Variants in ADAMTSL3 observed in about 807,000 individuals in gnomAD.
ADAMTSL3 encodes the protein ADAMTS-like protein 3.
Under a neutral mutation model 201.7 loss-of-function variants are expected in ADAMTSL3, and 128 were observed. The observed-to-expected ratio is 0.63, with a 90% CI of 0.55 to 0.73. The LOEUF (loss-of-function observed/expected upper bound fraction) is 0.73. Among genes scored for constraint, ADAMTSL3 ranks in the 30% least tolerant of loss-of-function variants. ADAMTSL3 has a pLI of 0.00. For missense variants in ADAMTSL3, 1,990 were observed against 2,119.6 expected, an observed-to-expected ratio of 0.94 and a Z score of 1.20; for synonymous variants, 738 against 748.4, an observed-to-expected ratio of 0.99 and a Z score of 0.23.
intron 7 of ADAMTSL3, among the ~76,000 whole-genome samples, chr15:83,853,323 T>C (rs1201309731): frequency 1.3e-5 from 2 of 152,192 alleles, no homozygotes; most frequent in African/African-American, 2.4e-5. Flanking sequence ...GTTTAGACTA[T>C]TTTTTTCTTG....
At chr15:83,875,756 C>T (rs780881266) in intron 9 of ADAMTSL3, among the ~76,000 whole-genome samples, 1 of 151,862 alleles carries the variant, frequency 6.6e-6, no homozygotes, top group Non-Finnish European at 1.5e-5. Context: ...GCACTCTGGC[C>T]GGGTGACAGA....
intron 2 of ADAMTSL3, among the ~76,000 whole-genome samples, chr15:83,703,901 A>AT (rs2061809422): frequency 6.8e-6 from 1 of 146,444 alleles, no homozygotes; most frequent in Non-Finnish European, 1.5e-5. Context: ...ATTATGGGTG[A>AT]TTTTATTTTC....
At position 83,899,752 on chromosome 15, in the gene ADAMTSL3, A is replaced by G. The variant is rs6603004; in HGVS notation, c.1700+21A>G. The G allele has an allele frequency of 0.56, 893,073 of 1,602,226 alleles. 254,457 individuals are homozygous for G. Among genetic ancestry groups the G allele is most frequent in the African/African-American group, 0.79 (58,841 of 74,258 alleles). On this transcript the variant is annotated intron_variant, in intron 15 of 29. Transcript: ENST00000286744. ...CCAACGTGAGTCCAGGACCTTTTGT[A>G]GGAATAATCAGGGCATAGCCAGTTA...
At chr15:83,667,319 T>C (rs1283997377) in intron 2 of ADAMTSL3, among the ~76,000 whole-genome samples, 2 of 152,176 alleles carry the variant, frequency 1.3e-5, no homozygotes, top group Non-Finnish European at 2.9e-5. Flanking sequence ...ATTACAGTTT[T>C]GACTAGTCCA....
In ADAMTSL3 at chr15:84,025,275, T is replaced by C; in HGVS notation, c.4495T>C (p.Cys1499Arg). ...TSVWSQCSVS[C>R]GEGYHSRQVT... ...TGTGTGGTCACAGTGCTCTGTGTCT[T>C]GCGGTGAAGGATACCACAGTCGGCA... The change falls in exon 27 of 30, where the codon TGC (cysteine) becomes CGC (arginine). Residue 1499 changes from cysteine to arginine, a missense_variant. Coordinates refer to ENST00000286744, the MANE Select transcript of ADAMTSL3 (RefSeq NM_207517.3). 3.1e-6 allele frequency: 5 copies of C among 1,613,106 alleles called. No individual in the cohort carries two copies. The highest frequency in any genetic ancestry group is 3.4e-6 in the Non-Finnish European group (4 of 1,179,464).
At chr15:84,004,304 T>A (rs1412602209) in intron 23 of ADAMTSL3, among the ~76,000 whole-genome samples, 1 of 152,182 alleles carries the variant, frequency 6.6e-6, no homozygotes, top group Non-Finnish European at 1.5e-5. Flanking sequence ...TCATCGGCAG[T>A]ATGTCCTGAG....
intron 3 of ADAMTSL3, among the ~76,000 whole-genome samples, chr15:83,752,599 C>A (rs1233623506): frequency 6.6e-6 from 1 of 152,072 alleles, no homozygotes; most frequent in Admixed American, 6.6e-5. Context: ...TTTCTAATGT[C>A]TATTATAACT....
At chr15:83,821,904 G>A (rs1242558928) in intron 6 of ADAMTSL3, among the ~76,000 whole-genome samples, 1 of 149,850 alleles carries the variant, frequency 6.7e-6, no homozygotes, top group Non-Finnish European at 1.5e-5. Flanking sequence ...GGATGGGGCG[G>A]CTGGCCGGGC....
chr15:83,885,100 G>T lies in ADAMTSL3; in HGVS notation c.961-1G>T, dbSNP rs1596355793. 1 of 1,610,592 alleles carries T rather than the reference G, an allele frequency of 6.2e-7. No homozygotes were observed. Among genetic ancestry groups the T allele is most frequent in the East Asian group, 2.2e-5 (1 of 44,856 alleles). ...GTGTTCTCACAGTTCTCTTTGTCCAGACCAGGTACACTGCAGCCAAAGACA... is the reference window on the plus strand; with the variant it reads ...GTGTTCTCACAGTTCTCTTTGTCCATACCAGGTACACTGCAGCCAAAGACA... On this transcript the variant is annotated splice_acceptor_variant, in intron 9 of 29. Coordinates refer to ENST00000286744, the MANE Select transcript of ADAMTSL3 (RefSeq NM_207517.3). LOFTEE classifies it high-confidence loss of function.
chr15:83,708,981 T>C (rs2061895117), intron 3 of ADAMTSL3, among the ~76,000 whole-genome samples: 1 of 152,198 alleles, frequency 6.6e-6, no homozygotes, highest in African/African-American at 2.4e-5. Context: ...GCTCTCCTGC[T>C]CTGAGATATA....
At chr15:83,857,417 C>T (rs1226640148) in intron 7 of ADAMTSL3, among the ~76,000 whole-genome samples, 2 of 152,092 alleles carry the variant, frequency 1.3e-5, no homozygotes, top group African/African-American at 4.8e-5. Context: ...TTTTTAAAGT[C>T]TTCAATGTGT....
intron 16 of ADAMTSL3, among the ~76,000 whole-genome samples, chr15:83,916,816 C>A (rs1235687731): frequency 6.6e-6 from 1 of 152,192 alleles, no homozygotes; most frequent in East Asian, 1.9e-4. Flanking sequence ...AAATTGGGTA[C>A]CTGCTCTGTG....
chr15:84,025,215 A>G (rs377167173), intron 26 of ADAMTSL3, 23 bp from the exon 27 acceptor site: 4 of 1,563,660 alleles, frequency 2.6e-6, no homozygotes, highest in African/African-American at 1.4e-5. Context: ...TCCTTACTAA[A>G]GTCCTGTAGT....
chr15:83,758,385 T>A (rs2062754043), intron 3 of ADAMTSL3, among the ~76,000 whole-genome samples: 2 of 152,196 alleles, frequency 1.3e-5, no homozygotes, highest in African/African-American at 4.8e-5. Flanking sequence ...GTTGTGAGAC[T>A]TATTCACTGT....
At chr15:83,966,664 C>A (rs1482700165) in intron 19 of ADAMTSL3, among the ~76,000 whole-genome samples, 1 of 152,104 alleles carries the variant, frequency 6.6e-6, no homozygotes, top group Non-Finnish European at 1.5e-5. Context: ...AAGGACTCCT[C>A]CCTAACTCAT....
chr15:83,932,518 AG>A (rs370999156), intron 17 of ADAMTSL3, among the ~76,000 whole-genome samples: 2 of 152,214 alleles, frequency 1.3e-5, no homozygotes, highest in African/African-American at 4.8e-5. Flanking sequence ...CTCAATGGAA[AG>A]GCAAATTCAA....
At chr15:83,744,255 T>G (rs1220444219) in intron 3 of ADAMTSL3, among the ~76,000 whole-genome samples, 1 of 152,214 alleles carries the variant, frequency 6.6e-6, no homozygotes, top group African/African-American at 2.4e-5. Flanking sequence ...CTTTGCTATA[T>G]AGAGGAAGAT....
chr15:83,841,453 C>G (rs1207614134), intron 7 of ADAMTSL3, among the ~76,000 whole-genome samples: 1 of 152,196 alleles, frequency 6.6e-6, no homozygotes, highest in African/African-American at 2.4e-5. Flanking sequence ...AGTTATTTCA[C>G]TTCCATGGGT....
intron 7 of ADAMTSL3, among the ~76,000 whole-genome samples, chr15:83,850,955 C>T (rs2064599647): frequency 6.6e-6 from 1 of 152,138 alleles, no homozygotes; most frequent in Non-Finnish European, 1.5e-5. Flanking sequence ...ATCCTGCGCC[C>T]GTGCTGCTCA....
Sources: allele counts gnomAD v4.1 joint callset (sites outside exome capture counted in the v4.1 genomes callset), GRCh38; gene constraint gnomAD v4.1.1; transcripts MANE v1.5; gene names NCBI Gene and HGNC (gene_info 2026-07-23, HGNC 2026-07-21).